DNAH7: variants seen among roughly 807,000 people sequenced by gnomAD.
The protein encoded by DNAH7 is axonemal beta dynein heavy chain 7.
DNAH7 carries 397 observed loss-of-function variants against 444.6 expected under a neutral mutation model. The ratio of observed to expected loss-of-function variants is 0.89; its 90% CI spans 0.82 to 0.97. DNAH7 has a LOEUF of 0.97. DNAH7 is among the 50% of genes least tolerant of loss of function. DNAH7 has a pLI of 0.00. For missense variants in DNAH7, 4,902 were observed against 4,800.8 expected, an observed-to-expected ratio of 1.02 and a Z score of -0.62; for synonymous variants, 1,636 against 1,624.4, an observed-to-expected ratio of 1.01 and a Z score of -0.17.
chr2:195,933,300 G>T (rs184424742), intron 21 of DNAH7, among the ~76,000 whole-genome samples: 3 of 152,162 alleles, frequency 2.0e-5, no homozygotes, highest in Non-Finnish European at 2.9e-5. Context: ...CACTGTTGGC[G>T]GGACTGTAAA....
chr2:195,783,549 T>A (rs1695485545), intron 58 of DNAH7, among the ~76,000 whole-genome samples: 1 of 152,178 alleles, frequency 6.6e-6, no homozygotes, highest in Non-Finnish European at 1.5e-5. Context: ...TCTCTCTTTT[T>A]ATAATGACAC....
intron 35 of DNAH7, 139 bp downstream of exon 35, chr2:195,884,446 A>G: frequency 1.5e-6 from 1 of 653,230 alleles, no homozygotes; most frequent in Non-Finnish European, 2.6e-6. Context: ...ACTTCAAGCC[A>G]GTGCATCTTC....
At chr2:195,824,770 C>T (rs1697642624) in intron 48 of DNAH7, among the ~76,000 whole-genome samples, 1 of 152,098 alleles carries the variant, frequency 6.6e-6, no homozygotes, top group Non-Finnish European at 1.5e-5. Flanking sequence ...CCATCTGAGA[C>T]ACCAGAGAAA....
chr2:195,801,038 G>A (rs1696424430), intron 54 of DNAH7, among the ~76,000 whole-genome samples: 1 of 152,092 alleles, frequency 6.6e-6, no homozygotes, highest in African/African-American at 2.4e-5. Context: ...ACACCCTTTG[G>A]GTGTCTGCTT....
intron 63 of DNAH7, among the ~76,000 whole-genome samples, chr2:195,749,985 T>TAATAA (rs879613925): frequency 2.8e-4 from 42 of 151,606 alleles, no homozygotes; most frequent in South Asian, 2.5e-3. Flanking sequence ...AGTATAATAA[T>TAATAA]AATAAAATAA....
chr2:195,805,733 C>T (rs111256835), intron 54 of DNAH7, among the ~76,000 whole-genome samples: 258 of 152,268 alleles, frequency 1.7e-3, no homozygotes, highest in African/African-American at 6.1e-3. Context: ...TTTTCATAGA[C>T]CCCTGGAAGT....
chr2:195,957,258 T>C lies in DNAH7; in HGVS notation c.3078+3A>G. On this transcript the variant is annotated splice_donor_region_variant and intron_variant, in intron 19 of 64. Transcript: ENST00000312428. ...TGACATTTTTGGAGATTTTTTCACC[T>C]ACCTGCATGACACTTCTCATTATAT... 6.7e-7 allele frequency: 1 copy of C among 1,496,436 alleles called. No homozygotes were observed. The highest frequency in any genetic ancestry group is 9.0e-7 in the Non-Finnish European group (1 of 1,111,514). The allele number at this position is 1,496,436 out of a possible 1,614,324, so 92.7% of individuals were successfully genotyped here. A position where few individuals can be genotyped will look rare whatever the true frequency, so the allele number is the denominator to read the frequency against.
chr2:195,938,826 T>A (rs1479121589), intron 19 of DNAH7, among the ~76,000 whole-genome samples: 1 of 152,116 alleles, frequency 6.6e-6, no homozygotes, highest in Non-Finnish European at 1.5e-5. Flanking sequence ...AATCTATGTA[T>A]CTTTGTATAT....
At chr2:195,885,163 A>G (rs569427079) in intron 34 of DNAH7, among the ~76,000 whole-genome samples, 1 of 152,348 alleles carries the variant, frequency 6.6e-6, no homozygotes, top group African/African-American at 2.4e-5. Flanking sequence ...TAATAAGGCA[A>G]ATAACCTACA....
At chr2:196,055,634 G>C (rs747722446) in intron 2 of DNAH7, among the ~76,000 whole-genome samples, 2 of 152,190 alleles carry the variant, frequency 1.3e-5, no homozygotes, top group Non-Finnish European at 2.9e-5. Context: ...CCTTCCCTTT[G>C]GGGAGAATGA....
At chr2:195,817,589 T>A in intron 50 of DNAH7, 107 bp downstream of exon 50, 1 of 1,163,888 alleles carries the variant, frequency 8.6e-7, no homozygotes, top group Non-Finnish European at 1.2e-6. Flanking sequence ...TATTTTCCCT[T>A]GCAGTATTCC....
intron 7 of DNAH7, among the ~76,000 whole-genome samples, chr2:196,026,322 G>A (rs1255354620): frequency 6.6e-6 from 1 of 152,022 alleles, no homozygotes; most frequent in African/African-American, 2.4e-5. Flanking sequence ...TTATGACATC[G>A]GTAATACTAA....
intron 58 of DNAH7, 137 bp from the exon 59 acceptor site, chr2:195,778,122 GCT>G (rs1169553901): frequency 8.2e-6 from 6 of 727,570 alleles, no homozygotes; most frequent in Non-Finnish European, 1.0e-5. Context: ...ATGCTTCCCT[GCT>G]AATTGTTGCC....
chr2:195,897,686 T>C lies in DNAH7; in HGVS notation c.4628A>G (p.His1543Arg), dbSNP rs780365088. Reference protein sequence around the residue: ...IDVNLPKFLSHDLPLFEGITS... With the variant: ...IDVNLPKFLSRDLPLFEGITS... ...TCTTACCTCAAAGAGTGGTAAATCA[T>C]GGGATAAAAATTTTGGCAGATTTAC... The change falls in exon 29 of 65, where the codon CAT becomes CGT. Residue 1543 changes from histidine to arginine, a missense_variant. By Grantham distance (29) the His-to-Arg change is conservative. Coordinates refer to ENST00000312428, the MANE Select transcript of DNAH7 (RefSeq NM_018897.3). 3 of 1,597,264 alleles carry C rather than the reference T, an allele frequency of 1.9e-6. No homozygotes were observed. Among genetic ancestry groups the C allele is most frequent in the Non-Finnish European group, 1.7e-6 (2 of 1,169,522 alleles).
At chr2:195,878,089 G>A (rs1701161521) in intron 36 of DNAH7, among the ~76,000 whole-genome samples, 1 of 152,136 alleles carries the variant, frequency 6.6e-6, no homozygotes, top group South Asian at 2.1e-4. Flanking sequence ...CCTATTCTGA[G>A]CAACAACTGT....
intron 22 of DNAH7, among the ~76,000 whole-genome samples, chr2:195,924,288 T>G (rs1382024224): frequency 1.3e-5 from 2 of 152,070 alleles, no homozygotes; most frequent in African/African-American, 4.8e-5. Flanking sequence ...CCAAGAGAGA[T>G]AGAAAGCAAC....
intron 55 of DNAH7, among the ~76,000 whole-genome samples, chr2:195,798,537 A>ATT (rs754058331): frequency 0.012 from 1,248 of 107,390 alleles, 46 homozygotes; most frequent in East Asian, 0.023. Flanking sequence ...AAATAGTAGA[A>ATT]TTTTTTTTTT....
chr2:195,768,977 G>A (rs1694714554), intron 61 of DNAH7, among the ~76,000 whole-genome samples: 1 of 152,146 alleles, frequency 6.6e-6, no homozygotes, highest in South Asian at 2.1e-4. Flanking sequence ...GTCCCAGTTA[G>A]ATTGTGTCTT....
intron 21 of DNAH7, among the ~76,000 whole-genome samples, chr2:195,929,503 T>C (rs1300692775): frequency 6.6e-6 from 1 of 152,142 alleles, no homozygotes; most frequent in Non-Finnish European, 1.5e-5. Flanking sequence ...CAACACAGCA[T>C]GGTATGTGTA....
Sources: allele counts gnomAD v4.1 joint callset (sites outside exome capture counted in the v4.1 genomes callset), GRCh38; gene constraint gnomAD v4.1.1; transcripts MANE v1.5; gene names NCBI Gene and HGNC (gene_info 2026-07-23, HGNC 2026-07-21).